The following PRRC2B variants were observed in gnomAD, a reference collection of about 807,000 sequenced individuals.
The protein encoded by PRRC2B is proline rich coiled-coil 2B.
In PRRC2B, 68 loss-of-function variants were observed where a neutral mutation model predicts 242.3. The ratio of observed to expected loss-of-function variants is 0.28; its 90% CI spans 0.23 to 0.34. PRRC2B has a LOEUF of 0.34. Among genes scored for constraint, PRRC2B ranks in the 10% least tolerant of loss-of-function variants. The pLI is 1.00. For missense variants in PRRC2B, 2,835 were observed against 2,954.8 expected, an observed-to-expected ratio of 0.96 and a Z score of 0.94; for synonymous variants, 1,228 against 1,173.6, an observed-to-expected ratio of 1.05 and a Z score of -0.95.
intron 1 of PRRC2B, among the ~76,000 whole-genome samples, chr9:131,401,191 T>C (rs528645233): frequency 7.2e-5 from 11 of 152,118 alleles, no homozygotes; most frequent in Non-Finnish European, 1.2e-4. Flanking sequence ...TGGTGAAGTA[T>C]ACATAACATA....
intron 14 of PRRC2B, among the ~76,000 whole-genome samples, chr9:131,472,765 C>A (rs1200976539): frequency 6.6e-6 from 1 of 152,186 alleles, no homozygotes; most frequent in Non-Finnish European, 1.5e-5. Flanking sequence ...AGGCATGAGC[C>A]ACCATGCCCA....
chr9:131,465,485 T>TA (rs549538784), intron 12 of PRRC2B, among the ~76,000 whole-genome samples: 142 of 152,274 alleles, frequency 9.3e-4, no homozygotes, highest in African/African-American at 2.8e-3. Flanking sequence ...GATGAGTATG[T>TA]ACCTGCCAGC....
chr9:131,405,187 C>T (rs889536283), intron 1 of PRRC2B, among the ~76,000 whole-genome samples: 2 of 152,124 alleles, frequency 1.3e-5, no homozygotes, highest in African/African-American at 4.8e-5. Flanking sequence ...CACAGCAGCT[C>T]CGTTCACAGT....
intron 9 of PRRC2B, among the ~76,000 whole-genome samples, chr9:131,453,512 G>T (rs1942983519): frequency 6.6e-6 from 1 of 152,086 alleles, no homozygotes; most frequent in Non-Finnish European, 1.5e-5. Flanking sequence ...AGCCAGGACT[G>T]CAGGCATACA....
At chr9:131,384,182 C>G (rs1404682792) in intron 1 of PRRC2B, among the ~76,000 whole-genome samples, 1 of 149,862 alleles carries the variant, frequency 6.7e-6, no homozygotes. Flanking sequence ...CTCTGTCTGC[C>G]TCCCGTGCTC....
chr9:131,481,311 C>CAAAAAAAAAAAA (rs11404767), intron 19 of PRRC2B, among the ~76,000 whole-genome samples: 1 of 79,258 alleles, frequency 1.3e-5, no homozygotes, highest in African/African-American at 5.8e-5. Context: ...ACTCCGTCTC[C>CAAAAAAAAAAAA]AAAAAAAAAA....
At position 131,485,110 on chromosome 9, in the gene PRRC2B, G is replaced by A. The variant is rs758217362; in HGVS notation, c.5728G>A (p.Ala1910Thr). The change falls in exon 25 of 32, where the codon GCC becomes ACC. Residue 1910 changes from alanine to threonine, a missense_variant. Physicochemically the swap from Ala to Thr is moderately conservative, Grantham distance 58. Transcript: ENST00000683519. ...GGVSMPPMPV[A>T]SVAPSASMPG... is the part of the protein sequence containing the mutation. The stretch of plus-strand genomic sequence containing the variant: ...AGTGTCCATGCCACCCATGCCTGTG[G>A]CCTCTGTAGCACCTTCTGCTTCTAT... 1 of 1,598,528 alleles carries A rather than the reference G, an allele frequency of 6.3e-7. No homozygotes were observed. The highest frequency in any genetic ancestry group is 1.7e-5 in the Admixed American group (1 of 58,174).
At position 131,476,092 on chromosome 9, in the gene PRRC2B, G is replaced by A. The variant is rs1447334708; in HGVS notation, c.3963G>A (p.Glu1321=). ...TCCGGCGCCTCCGGCAAGAGCGGGA[G>A]TCCCTGGGCCTGTGGGGACCCGAGG... The part of the protein sequence containing the change: ...PRFRRLRQER[E]SLGLWGPEEE... The change falls in exon 16 of 32, where the codon GAG becomes GAA. Residue 1321 remains glutamate, a synonymous_variant. Coordinates refer to ENST00000683519, the MANE Select transcript of PRRC2B (RefSeq NM_013318.4). The A allele has an allele frequency of 2.5e-6, 4 of 1,608,978 alleles. No individual in the cohort carries two copies. Among genetic ancestry groups the A allele is most frequent in the Non-Finnish European group, 3.4e-6 (4 of 1,176,890 alleles).
chr9:131,406,384 T>C (rs1837361775), intron 1 of PRRC2B, among the ~76,000 whole-genome samples: 1 of 152,124 alleles, frequency 6.6e-6, no homozygotes, highest in Admixed American at 6.5e-5. Context: ...GTGTCTAGTC[T>C]GTTGTGTTGT....
chr9:131,376,867 C>T (rs746152057), intron 1 of PRRC2B, among the ~76,000 whole-genome samples: 10 of 152,016 alleles, frequency 6.6e-5, no homozygotes, highest in Non-Finnish European at 1.5e-4. Flanking sequence ...ATTAGCCAGG[C>T]ATGGTGGTAT....
At chr9:131,380,762 C>T (rs1455480025) in intron 1 of PRRC2B, among the ~76,000 whole-genome samples, 35 of 151,296 alleles carry the variant, frequency 2.3e-4, no homozygotes, top group Non-Finnish European at 1.5e-5. Context: ...CCTGTAATCC[C>T]GGCTACTCGG....
intron 1 of PRRC2B, among the ~76,000 whole-genome samples, chr9:131,418,543 A>T (rs1837719601): frequency 6.6e-6 from 1 of 152,196 alleles, no homozygotes; most frequent in African/African-American, 2.4e-5. Context: ...GAAGGAAGTC[A>T]CTTGCTGCCA....
In PRRC2B at chr9:131,432,579, T is replaced by G. The variant is rs751540430; in HGVS notation, c.116-38T>G. The G allele has an allele frequency of 1.4e-5, 22 of 1,588,784 alleles. No homozygotes were observed. In the East Asian group the frequency reaches 4.9e-4, roughly 36 times the overall value. On this transcript the variant is annotated intron_variant, in intron 2 of 31. Transcript: ENST00000683519. The stretch of plus-strand genomic sequence containing the variant: ...TCAGGCTTCTTTCCTTCTGTGACCT[T>G]TTTGCATGGTGTCTGTTCCATGTCC...
intron 1 of PRRC2B, among the ~76,000 whole-genome samples, chr9:131,397,978 T>A (rs562693025): frequency 6.6e-6 from 1 of 152,350 alleles, no homozygotes; most frequent in East Asian, 1.9e-4. Flanking sequence ...GATCTCTTTT[T>A]AAGATTATTT....
At chr9:131,473,756 A>C (rs1400445364) in intron 15 of PRRC2B, 32 bp downstream of exon 15, 1 of 1,570,300 alleles carries the variant, frequency 6.4e-7, no homozygotes, top group Non-Finnish European at 8.7e-7. Context: ...CTGCCTTGCC[A>C]CTGAAGGAGG....
At chr9:131,419,807 T>G in intron 1 of PRRC2B, among the ~76,000 whole-genome samples, 1 of 118,664 alleles carries the variant, frequency 8.4e-6, no homozygotes, top group African/African-American at 3.3e-5. Context: ...GGGGGTGGTG[T>G]GGGGAGAAGG....
intron 1 of PRRC2B, among the ~76,000 whole-genome samples, chr9:131,425,634 C>A (rs1055113848): frequency 2.0e-5 from 3 of 151,300 alleles, no homozygotes; most frequent in Admixed American, 1.3e-4. Context: ...ACTGCAGGCG[C>A]CTGCCACCAC....
chr9:131,489,778 T>C (rs1224075846), intron 28 of PRRC2B, among the ~76,000 whole-genome samples: 1 of 152,094 alleles, frequency 6.6e-6, no homozygotes, highest in Non-Finnish European at 1.5e-5. Flanking sequence ...CATCTCCCTC[T>C]CTTTCATGCA....
intron 1 of PRRC2B, among the ~76,000 whole-genome samples, chr9:131,409,249 C>T (rs994630130): frequency 1.2e-4 from 19 of 152,028 alleles, no homozygotes; most frequent in African/African-American, 3.9e-4. Context: ...CTCGAACTCC[C>T]GACCTCAGGT....
Sources: gnomAD v4.1 joint callset for allele counts (sites outside exome capture counted in the v4.1 genomes callset) on GRCh38, gnomAD v4.1.1 for gene constraint, MANE v1.5 for transcripts, NCBI Gene and HGNC (gene_info 2026-07-23, HGNC 2026-07-21) for gene names.